The following DCDC1 variants were observed in gnomAD, a reference collection of about 807,000 sequenced individuals.
DCDC1 encodes doublecortin domain containing 1, also known as doublecortin domain-containing protein 1.
In DCDC1, 200 loss-of-function variants were observed where a neutral mutation model predicts 178.3. That is an observed-to-expected ratio of 1.12 (90% CI 1.00 to 1.26). The LOEUF is 1.26. Among genes scored for constraint, DCDC1 ranks in the 50% most tolerant of loss-of-function variants. The pLI is 0.00. For synonymous variants in DCDC1, 690 were observed against 604.8 expected, an observed-to-expected ratio of 1.14 and a Z score of -2.07; for missense variants, 1,983 against 1,749.2, an observed-to-expected ratio of 1.13 and a Z score of -2.38.
At chr11:31,339,294 C>A (rs1950427267) in intron 1 of DCDC1, among the ~76,000 whole-genome samples, 1 of 152,098 alleles carries the variant, frequency 6.6e-6, no homozygotes, top group Non-Finnish European at 1.5e-5. Context: ...GCAATTAAGT[C>A]ATAAGGGTGG....
chr11:31,342,064 C>T (rs1323737), intron 1 of DCDC1, among the ~76,000 whole-genome samples: 3,191 of 152,240 alleles, frequency 0.021, 96 homozygotes, highest in African/African-American at 0.07. Flanking sequence ...GTACCAGCAG[C>T]ACCAACAGAC....
chr11:31,086,994 G>C (rs576782852), intron 17 of DCDC1, among the ~76,000 whole-genome samples: 1 of 152,092 alleles, frequency 6.6e-6, no homozygotes. Flanking sequence ...GAATTTCCCA[G>C]TGAAGCTAGT....
chr11:30,958,184 C>T (rs905485025), intron 20 of DCDC1, among the ~76,000 whole-genome samples: 2 of 152,086 alleles, frequency 1.3e-5, no homozygotes, highest in Non-Finnish European at 2.9e-5. Flanking sequence ...GATCAGAAGC[C>T]TCAAGAAGAC....
intron 3 of DCDC1, chr11:31,312,588 C>G (rs922966409): frequency 6.6e-6 from 1 of 152,168 alleles, no homozygotes; most frequent in African/African-American, 2.4e-5. Context: ...CTGATTAGAC[C>G]GAAAAGGCAA....
chr11:31,243,557 T>C (rs1341448036), intron 8 of DCDC1, among the ~76,000 whole-genome samples: 1 of 151,748 alleles, frequency 6.6e-6, no homozygotes, highest in East Asian at 1.9e-4. Context: ...ATTATTTATG[T>C]CAGCTCAAGG....
At chr11:31,291,285 T>C (rs573236261) in intron 6 of DCDC1, among the ~76,000 whole-genome samples, 2 of 152,174 alleles carry the variant, frequency 1.3e-5, no homozygotes, top group South Asian at 4.2e-4. Context: ...TATGATTTCT[T>C]ATCTATGTTG....
intron 9 of DCDC1, among the ~76,000 whole-genome samples, chr11:31,150,812 A>G (rs2136095892): frequency 6.6e-6 from 1 of 152,318 alleles, no homozygotes; most frequent in African/African-American, 2.4e-5. Context: ...AAAATTCATA[A>G]AAATAGACAA....
chr11:30,899,307 C>A (rs1944479139), intron 34 of DCDC1, among the ~76,000 whole-genome samples: 1 of 152,000 alleles, frequency 6.6e-6, no homozygotes, highest in African/African-American at 2.4e-5. Flanking sequence ...AAGACGTATG[C>A]ATAAGTCATT....
intron 29 of DCDC1, among the ~76,000 whole-genome samples, chr11:30,908,734 A>G (rs1419862837): frequency 6.6e-6 from 1 of 152,170 alleles, no homozygotes; most frequent in Non-Finnish European, 1.5e-5. Context: ...TTTTAAGTAC[A>G]TTAGATTAAT....
Position 30,892,942 on chromosome 11 carries a change from G to A in DCDC1, c.4958C>T (p.Thr1653Ile). The change falls in exon 36 of 39, where the codon ACC becomes ATC. Residue 1653 changes from threonine to isoleucine, a missense_variant. Physicochemically the swap from Thr to Ile is moderately conservative, Grantham distance 89. Transcript: ENST00000684477. Reference protein sequence around the residue: ...MESKINFPIATKRIAVKPSNL... With the variant: ...MESKINFPIAIKRIAVKPSNL... ...GCTCGGCTTGACTGCTATACGTTTG[G>A]TTGCAATTGGAAAATTTATTTTGGA... 1 of 1,613,898 alleles carries A rather than the reference G, an allele frequency of 6.2e-7. No homozygotes were observed. Among genetic ancestry groups the A allele is most frequent in the Non-Finnish European group, 8.5e-7 (1 of 1,179,832 alleles).
intron 20 of DCDC1, among the ~76,000 whole-genome samples, chr11:31,016,943 C>T (rs753819607): frequency 5.9e-5 from 9 of 152,088 alleles, no homozygotes; most frequent in Non-Finnish European, 1.0e-4. Context: ...GAAATGAACC[C>T]GAAATGCTCT....
intron 1 of DCDC1, among the ~76,000 whole-genome samples, chr11:31,352,718 A>G (rs185287302): frequency 5.9e-5 from 9 of 152,296 alleles, no homozygotes; most frequent in South Asian, 2.1e-4. Flanking sequence ...ATATAATTAC[A>G]TTCTGCTACC....
intron 13 of DCDC1, 70 bp downstream of exon 13, chr11:31,106,727 C>A (rs1169155071): frequency 2.3e-5 from 17 of 735,104 alleles, no homozygotes; most frequent in Non-Finnish European, 3.4e-5. Context: ...TACTTGACTT[C>A]TCAAATCCGC....
intron 20 of DCDC1, among the ~76,000 whole-genome samples, chr11:31,016,716 C>T (rs1419141013): frequency 6.6e-6 from 1 of 152,192 alleles, no homozygotes; most frequent in African/African-American, 2.4e-5. Flanking sequence ...GCCAAACTTG[C>T]TTGCAACTTA....
At chr11:31,025,193 C>A (rs1953140995) in intron 20 of DCDC1, among the ~76,000 whole-genome samples, 2 of 151,832 alleles carry the variant, frequency 1.3e-5, no homozygotes, top group South Asian at 4.1e-4. Context: ...TATAAGGTTA[C>A]TTGTAATGGA....
intron 36 of DCDC1, among the ~76,000 whole-genome samples, chr11:30,886,617 A>G (rs1447127615): frequency 2.6e-5 from 4 of 152,142 alleles, no homozygotes; most frequent in African/African-American, 9.7e-5. Flanking sequence ...CATTAATTCT[A>G]TTGGATTAAT....
At chr11:31,229,562 T>A (rs1975487948) in intron 9 of DCDC1, among the ~76,000 whole-genome samples, 1 of 152,086 alleles carries the variant, frequency 6.6e-6, no homozygotes. Flanking sequence ...ATATGTTATC[T>A]AAATTATGAC....
intron 20 of DCDC1, among the ~76,000 whole-genome samples, chr11:31,007,128 G>C (rs1233670908): frequency 6.6e-6 from 1 of 152,132 alleles, no homozygotes; most frequent in African/African-American, 2.4e-5. Flanking sequence ...TTCCTTGAAA[G>C]GTTGTAGTCA....
chr11:31,250,214 C>A (rs1943880262), intron 8 of DCDC1, among the ~76,000 whole-genome samples: 1 of 150,956 alleles, frequency 6.6e-6, no homozygotes, highest in Admixed American at 6.6e-5. Context: ...CTATTTAAGT[C>A]CTCTATTTAG....
Sources: allele counts gnomAD v4.1 joint callset (sites outside exome capture counted in the v4.1 genomes callset), GRCh38; gene constraint gnomAD v4.1.1; transcripts MANE v1.5; gene names NCBI Gene and HGNC (gene_info 2026-07-23, HGNC 2026-07-21).